Variants in RIT2 observed in about 807,000 individuals in gnomAD.
RIT2 encodes GTP-binding protein Rit2.
Under a neutral mutation model 23.7 loss-of-function variants are expected in RIT2, and 24 were observed. The observed-to-expected ratio is 1.01, with a 90% confidence interval of 0.73 to 1.43. The LOEUF is 1.43. RIT2 is among the 40% of genes most tolerant of loss of function. RIT2 has a pLI of 0.00. For synonymous variants in RIT2, 107 were observed against 91.1 expected (o/e 1.17, Z -0.99); for missense variants, 236 against 266.9 (o/e 0.88, Z 0.81).
At chr18:42,748,390 C>A (rs1253405542) in intron 4 of RIT2, among the ~76,000 whole-genome samples, 1 of 151,712 alleles carries the variant, frequency 6.6e-6, no homozygotes, top group East Asian at 1.9e-4. Flanking sequence ...ACATGCAATA[C>A]CACCTTACTC....
chr18:43,075,184 T>C (rs1029521736), intron 1 of RIT2, among the ~76,000 whole-genome samples: 1 of 152,220 alleles, frequency 6.6e-6, no homozygotes, highest in Non-Finnish European at 1.5e-5. Flanking sequence ...ATTTCATGCT[T>C]ACCAAATAAG....
rs79259125 is a variant in RIT2 at position 42,881,836 on chromosome 18, T to C, written c.426+41736A>G. On this transcript the variant is annotated intron_variant, in intron 4 of 4. Transcript: ENST00000326695. ...AAGGTCCAGAATTATATCTTATTCA[T>C]GTCCAGTAGTAACACCTAGATAGTG... Among the ~76,000 whole-genome samples, 7 of 152,340 alleles carry C rather than the reference T, an allele frequency of 4.6e-5. No homozygotes were observed. The East Asian group carries it at 1.4e-3, about 29-fold the overall frequency.
intron 1 of RIT2, among the ~76,000 whole-genome samples, chr18:43,078,853 G>C (rs1055811851): frequency 6.6e-6 from 1 of 152,142 alleles, no homozygotes; most frequent in African/African-American, 2.4e-5. Context: ...TTCTGTCCAA[G>C]GGCATCTACA....
intron 3 of RIT2, among the ~76,000 whole-genome samples, chr18:42,965,466 C>A (rs774415502): frequency 5.9e-5 from 9 of 152,040 alleles, no homozygotes; most frequent in Non-Finnish European, 1.3e-4. Context: ...AACCTAATGT[C>A]CTCACTAATG....
chr18:43,053,216 C>T (rs1912424938), intron 1 of RIT2, among the ~76,000 whole-genome samples: 1 of 151,936 alleles, frequency 6.6e-6, no homozygotes, highest in Non-Finnish European at 1.5e-5. Flanking sequence ...TACATACTTA[C>T]TAGTGGTAGG....
intron 3 of RIT2, among the ~76,000 whole-genome samples, chr18:42,948,365 T>C (rs535751443): frequency 5.5e-4 from 84 of 152,172 alleles, no homozygotes; most frequent in African/African-American, 2.0e-3. Flanking sequence ...TATTTGGTCT[T>C]CCTCAGTGAC....
intron 1 of RIT2, among the ~76,000 whole-genome samples, chr18:43,056,543 G>C (rs1452830032): frequency 6.6e-6 from 1 of 152,068 alleles, no homozygotes; most frequent in Admixed American, 6.6e-5. Context: ...GCTGAGAAAT[G>C]ACCAATAGGG....
chr18:42,819,618 T>C (rs1222026559), intron 4 of RIT2, among the ~76,000 whole-genome samples: 1 of 152,102 alleles, frequency 6.6e-6, no homozygotes, highest in African/African-American at 2.4e-5. Context: ...CCTGCTTATG[T>C]TATCCCCAGT....
At position 42,745,416 on chromosome 18, in the gene RIT2, A is replaced by G. The variant is rs189213602; in HGVS notation, c.427-1696T>C. Among the ~76,000 whole-genome samples the G allele has an allele frequency of 3.9e-5, 6 of 152,310 alleles. No homozygotes were observed. In the East Asian group the frequency reaches 1.2e-3, roughly 29 times the overall value. ...GGCTGAGCTGGGGTGTAAAAAATCT[A>G]TCAAGTCTATCTGATCCCAAAGACA... On this transcript the variant is annotated intron_variant, in intron 4 of 4. Coordinates refer to ENST00000326695, the MANE Select transcript of RIT2 (RefSeq NM_002930.4).
intron 2 of RIT2, among the ~76,000 whole-genome samples, chr18:43,010,830 C>T (rs186039521): frequency 2.0e-4 from 30 of 151,780 alleles, no homozygotes; most frequent in Admixed American, 1.3e-3. Flanking sequence ...AATATTTGTA[C>T]GTGTTCAACA....
intron 4 of RIT2, among the ~76,000 whole-genome samples, chr18:42,765,947 T>G (rs1163628222): frequency 6.6e-6 from 1 of 152,108 alleles, no homozygotes; most frequent in African/African-American, 2.4e-5. Flanking sequence ...TTCCTCATTT[T>G]CTCTTGCCAC....
intron 2 of RIT2, among the ~76,000 whole-genome samples, chr18:43,024,621 C>T (rs4592740): frequency 0.96 from 146,000 of 151,944 alleles, 70,396 homozygotes; most frequent in East Asian, 1. Context: ...ACAGAGTGAA[C>T]AGACAACCTG....
chr18:42,989,470 AAT>A (rs888809188), intron 2 of RIT2, among the ~76,000 whole-genome samples: 4 of 152,344 alleles, frequency 2.6e-5, no homozygotes, highest in Admixed American at 1.3e-4. Flanking sequence ...AATTAAATTT[AAT>A]ATATGTTATT....
At chr18:43,071,835 T>A (rs1286908674) in intron 1 of RIT2, among the ~76,000 whole-genome samples, 1 of 152,182 alleles carries the variant, frequency 6.6e-6, no homozygotes, top group Non-Finnish European at 1.5e-5. Context: ...CTCTCAAAGT[T>A]ATCTATGAGT....
At chr18:42,795,461 C>T (rs1209784680) in intron 4 of RIT2, among the ~76,000 whole-genome samples, 1 of 152,212 alleles carries the variant, frequency 6.6e-6, no homozygotes, top group African/African-American at 2.4e-5. Flanking sequence ...GACTTAGCTG[C>T]CTTCCCGCGG....
chr18:42,793,126 T>A (rs1474092690), intron 4 of RIT2, among the ~76,000 whole-genome samples: 3 of 152,184 alleles, frequency 2.0e-5, no homozygotes, highest in African/African-American at 7.2e-5. Flanking sequence ...TTAAAATGGT[T>A]TGAATGGACT....
rs189509003 is a variant in RIT2 at position 42,909,522 on chromosome 18, A to T, written c.426+14050T>A. 8.1e-3 allele frequency among the ~76,000 whole-genome samples: 1,226 copies of T among 152,220 alleles called. 18 individuals are homozygous for T. The highest frequency in any genetic ancestry group is 0.028 in the African/African-American group (1,167 of 41,532). ...TCATATTTTGTAAATTTAAAAATCAAATCACCCTAATACAATAAAACAATT... is the reference window on the plus strand; with the variant it reads ...TCATATTTTGTAAATTTAAAAATCATATCACCCTAATACAATAAAACAATT... On this transcript the variant is annotated intron_variant, in intron 4 of 4. Coordinates refer to ENST00000326695, the MANE Select transcript of RIT2 (RefSeq NM_002930.4).
intron 1 of RIT2, among the ~76,000 whole-genome samples, chr18:43,035,637 G>T (rs543025811): frequency 6.6e-6 from 1 of 152,114 alleles, no homozygotes; most frequent in Non-Finnish European, 1.5e-5. Context: ...CTCAATACCT[G>T]ATCAAATTCT....
At chr18:42,852,424 G>C (rs1907078487) in intron 4 of RIT2, among the ~76,000 whole-genome samples, 1 of 152,168 alleles carries the variant, frequency 6.6e-6, no homozygotes, top group African/African-American at 2.4e-5. Context: ...ATAAGGCTCT[G>C]TACTGTTGAA....
Sources: allele counts gnomAD v4.1 joint callset (sites outside exome capture counted in the v4.1 genomes callset), GRCh38; gene constraint gnomAD v4.1.1; transcripts MANE v1.5; gene names NCBI Gene and HGNC (gene_info 2026-07-23, HGNC 2026-07-21).